NUDCD1: variants seen among roughly 807,000 people sequenced by gnomAD.
NUDCD1 encodes nudC domain-containing protein 1.
In NUDCD1, 60 loss-of-function variants were observed where a neutral mutation model predicts 67.8. The observed-to-expected ratio is 0.88, with a 90% confidence interval of 0.72 to 1.10. The LOEUF (loss-of-function observed/expected upper bound fraction) is 1.10, where lower values mean the gene tolerates loss of function less well. Among genes scored for constraint, NUDCD1 ranks in the 50% least tolerant of loss-of-function variants. The pLI is 0.00. For synonymous variants in NUDCD1, 244 were observed against 230.8 expected (o/e 1.06, Z -0.52); for missense variants, 643 against 695.0 (o/e 0.93, Z 0.84).
chr8:109,290,153 G>A (rs1330425353), intron 4 of NUDCD1, among the ~76,000 whole-genome samples: 4 of 152,036 alleles, frequency 2.6e-5, no homozygotes, highest in South Asian at 2.1e-4. Flanking sequence ...ATTTGTTCCC[G>A]ATTGTCCTGT....
Position 109,275,452 on chromosome 8 carries a change from G to A in NUDCD1, c.1073C>T (p.Pro358Leu), listed in dbSNP as rs866427060. The A allele has an allele frequency of 6.2e-7, 1 of 1,613,392 alleles. No homozygotes were observed. The highest frequency in any genetic ancestry group is 8.5e-7 in the Non-Finnish European group (1 of 1,179,502). ...LIKKNEGLTW[P>L]ELVIGDKQGE... ...TTGTTTATCTCCAATTACTAGCTCT[G>A]GCCAGGTCAGTCCTTCATTCTTCTT... Residue 358 changes from proline to leucine, a missense_variant, in exon 7 of 10, where the codon CCA becomes CTA. Physicochemically the swap from Pro to Leu is moderately conservative, Grantham distance 98. Coordinates refer to ENST00000239690, the MANE Select transcript of NUDCD1 (RefSeq NM_032869.4).
chr8:109,250,939 CA>C, intron 8 of NUDCD1, among the ~76,000 whole-genome samples: 1 of 152,086 alleles, frequency 6.6e-6, no homozygotes, highest in Non-Finnish European at 1.5e-5. Flanking sequence ...CCTGTTTTCT[CA>C]TCTTTTAATG....
chr8:109,246,171 A>T (rs1199190498), intron 8 of NUDCD1, among the ~76,000 whole-genome samples: 1 of 152,230 alleles, frequency 6.6e-6, no homozygotes, highest in Non-Finnish European at 1.5e-5. Flanking sequence ...GACTGCTGAT[A>T]TAAAGCACCA....
chr8:109,246,311 A>C (rs1238126320), intron 8 of NUDCD1, among the ~76,000 whole-genome samples: 2 of 152,182 alleles, frequency 1.3e-5, no homozygotes, highest in South Asian at 4.1e-4. Flanking sequence ...ATTTATAACC[A>C]GGCATGTTAT....
At chr8:109,252,863 G>A (rs144706179) in intron 8 of NUDCD1, among the ~76,000 whole-genome samples, 1 of 152,248 alleles carries the variant, frequency 6.6e-6, no homozygotes, top group Non-Finnish European at 1.5e-5. Flanking sequence ...TACAATGGGC[G>A]TGACAATCTT....
intron 8 of NUDCD1, among the ~76,000 whole-genome samples, chr8:109,257,569 T>C (rs1369022656): frequency 6.6e-6 from 1 of 152,094 alleles, no homozygotes; most frequent in Non-Finnish European, 1.5e-5. Context: ...CCCATAGCCA[T>C]TTTTGTGCAA....
At chr8:109,274,180 G>C (rs1814223412) in intron 7 of NUDCD1, among the ~76,000 whole-genome samples, 1 of 152,094 alleles carries the variant, frequency 6.6e-6, no homozygotes. Context: ...ATATAGCTGT[G>C]GAGTAGACAT....
chr8:109,263,054 C>CA (rs59659347), intron 8 of NUDCD1, among the ~76,000 whole-genome samples: 3,774 of 41,392 alleles, frequency 0.091, 499 homozygotes, highest in African/African-American at 0.25. Context: ...GACTCTGTCT[C>CA]AAAAAAAAAA....
intron 5 of NUDCD1, among the ~76,000 whole-genome samples, chr8:109,288,984 C>CTT (rs565605587): frequency 1.4e-5 from 2 of 143,506 alleles, no homozygotes; most frequent in East Asian, 2.0e-4. Flanking sequence ...TTAGTCTTTT[C>CTT]TTTTTTTTTT....
At chr8:109,332,979 CA>C (rs1475082374) in intron 1 of NUDCD1, among the ~76,000 whole-genome samples, 3 of 152,150 alleles carry the variant, frequency 2.0e-5, no homozygotes, top group Admixed American at 1.3e-4. Context: ...TATTGTTTTA[CA>C]ATTATCTGTT....
chr8:109,244,414 C>T (rs1369661229), intron 9 of NUDCD1, among the ~76,000 whole-genome samples: 2 of 151,890 alleles, frequency 1.3e-5, no homozygotes, highest in Non-Finnish European at 2.9e-5. Context: ...TTTCTTCTGA[C>T]CAAAGTATAG....
intron 5 of NUDCD1, 92 bp downstream of exon 5, chr8:109,289,659 C>T (rs1464049866): frequency 1.6e-6 from 1 of 635,490 alleles, no homozygotes; most frequent in Non-Finnish European, 2.6e-6. Flanking sequence ...TCTATCTTGC[C>T]CTTGTAGAAC....
At chr8:109,296,719 T>C in intron 2 of NUDCD1, 150 bp from the exon 3 acceptor site, 1 of 573,166 alleles carries the variant, frequency 1.7e-6, no homozygotes. Context: ...ACTGATTCAG[T>C]TTTAACAAAA....
At chr8:109,282,613 C>T (rs1398002662) in intron 5 of NUDCD1, among the ~76,000 whole-genome samples, 1 of 143,250 alleles carries the variant, frequency 7.0e-6, no homozygotes, top group Non-Finnish European at 1.5e-5. Context: ...TGTTCTCACT[C>T]ATAAGTGGGA....
At chr8:109,306,090 T>C (rs1158149405) in intron 2 of NUDCD1, among the ~76,000 whole-genome samples, 4 of 152,174 alleles carry the variant, frequency 2.6e-5, no homozygotes, top group African/African-American at 9.7e-5. Flanking sequence ...TCCTGTCTAG[T>C]CTTACTCCTA....
chr8:109,255,130 T>C (rs977971452), intron 8 of NUDCD1, among the ~76,000 whole-genome samples: 1 of 152,208 alleles, frequency 6.6e-6, no homozygotes, highest in African/African-American at 2.4e-5. Flanking sequence ...ACCACCTGCA[T>C]GTTCTCCCAA....
intron 2 of NUDCD1, among the ~76,000 whole-genome samples, chr8:109,318,469 CAG>C (rs1323957102): frequency 2.0e-5 from 3 of 152,158 alleles, no homozygotes; most frequent in African/African-American, 7.2e-5. Context: ...TTTATTTGAT[CAG>C]AGAGATCAGA....
chr8:109,270,101 G>T (rs2129947457), intron 8 of NUDCD1, among the ~76,000 whole-genome samples: 1 of 103,910 alleles, frequency 9.6e-6, no homozygotes. Context: ...GGTGGGGTGT[G>T]AAATATATGC....
chr8:109,319,091 A>G (rs149322526), intron 2 of NUDCD1, among the ~76,000 whole-genome samples: 5,025 of 151,364 alleles, frequency 0.033, 112 homozygotes, highest in Middle Eastern at 0.12. Context: ...CTCCTGCCTC[A>G]GCCTCCTGAG....
Sources: allele counts gnomAD v4.1 joint callset (sites outside exome capture counted in the v4.1 genomes callset), GRCh38; gene constraint gnomAD v4.1.1; transcripts MANE v1.5; gene names NCBI Gene and HGNC (gene_info 2026-07-23, HGNC 2026-07-21).